Variants in BTBD10 observed in about 807,000 individuals in gnomAD.
BTBD10 encodes the protein BTB/POZ domain-containing protein 10.
Under a neutral mutation model 53.2 loss-of-function variants are expected in BTBD10, and 21 were observed. That is an observed-to-expected ratio of 0.39 (90% CI 0.28 to 0.57). The LOEUF is 0.57. Ranked by LOEUF, BTBD10 falls within the 20% of genes least tolerant of loss-of-function variation. The probability of loss-of-function intolerance (pLI) is 0.53; values close to 1 mark genes in which losing one functional copy is unlikely to be tolerated. For synonymous variants in BTBD10, 149 were observed against 192.7 expected (o/e 0.77, Z 1.88); for missense variants, 360 against 594.7 (o/e 0.61, Z 4.10).
intron 2 of BTBD10, among the ~76,000 whole-genome samples, chr11:13,441,170 G>C (rs964440797): frequency 1.3e-5 from 2 of 152,028 alleles, no homozygotes; most frequent in African/African-American, 4.8e-5. Flanking sequence ...ATATAGACCT[G>C]CTGAGAGATC....
chr11:13,415,362 C>T (rs1425607285), intron 5 of BTBD10, among the ~76,000 whole-genome samples: 1 of 152,094 alleles, frequency 6.6e-6, no homozygotes, highest in Non-Finnish European at 1.5e-5. Context: ...CTGCATCTGC[C>T]GCCTAAAACG....
intron 1 of BTBD10, among the ~76,000 whole-genome samples, chr11:13,458,384 C>T (rs1278659605): frequency 2.0e-5 from 3 of 152,036 alleles, no homozygotes; most frequent in South Asian, 2.1e-4. Context: ...AAAAAGGATA[C>T]AGTAAAAAAT....
At chr11:13,405,944 C>A (rs1949814983) in intron 6 of BTBD10, 88 bp from the exon 7 acceptor site, 2 of 1,299,316 alleles carry the variant, frequency 1.5e-6, no homozygotes, top group Non-Finnish European at 2.1e-6. Flanking sequence ...CAAGAAAGGC[C>A]AGGCAGCCTA....
chr11:13,408,195 C>T (rs925684499), intron 6 of BTBD10, among the ~76,000 whole-genome samples: 4 of 152,106 alleles, frequency 2.6e-5, no homozygotes, highest in Non-Finnish European at 5.9e-5. Flanking sequence ...ATAGTTAACC[C>T]GACATATTCC....
At chr11:13,458,899 T>C (rs554126627) in intron 1 of BTBD10, among the ~76,000 whole-genome samples, 1 of 152,132 alleles carries the variant, frequency 6.6e-6, no homozygotes, top group Non-Finnish European at 1.5e-5. Context: ...AAATAAATTG[T>C]CTGAATGAAG....
At chr11:13,407,280 A>T (rs1037751399) in intron 6 of BTBD10, among the ~76,000 whole-genome samples, 1 of 152,144 alleles carries the variant, frequency 6.6e-6, no homozygotes, top group Non-Finnish European at 1.5e-5. Flanking sequence ...CTATGCTGAG[A>T]ATTCCCAAAT....
intron 2 of BTBD10, among the ~76,000 whole-genome samples, chr11:13,443,611 T>C (rs4304757): frequency 0.47 from 70,957 of 151,546 alleles, 17,614 homozygotes; most frequent in South Asian, 0.62. Context: ...TTTTTTTTTT[T>C]TGAGACAGCG....
chr11:13,404,030 T>C (rs1292991794), intron 7 of BTBD10, among the ~76,000 whole-genome samples: 1 of 151,934 alleles, frequency 6.6e-6, no homozygotes, highest in Non-Finnish European at 1.5e-5. Flanking sequence ...AAAGGTTTTT[T>C]CAAAAAAAGA....
intron 5 of BTBD10, among the ~76,000 whole-genome samples, chr11:13,416,654 C>A (rs1950121039): frequency 6.6e-6 from 1 of 152,020 alleles, no homozygotes; most frequent in South Asian, 2.1e-4. Flanking sequence ...AATTCATTTG[C>A]TTATATTGTA....
At chr11:13,419,876 TA>T in intron 3 of BTBD10, 131 bp from the exon 4 acceptor site, 1 of 956,828 alleles carries the variant, frequency 1.0e-6, no homozygotes, top group Non-Finnish European at 1.5e-6. Flanking sequence ...CAATTTCAAA[TA>T]AGATGTTAAC....
chr11:13,394,548 T>C (rs1360174855), intron 8 of BTBD10, among the ~76,000 whole-genome samples: 1 of 152,202 alleles, frequency 6.6e-6, no homozygotes, highest in Non-Finnish European at 1.5e-5. Flanking sequence ...TCTTTTTATT[T>C]TTTTATTATT....
intron 1 of BTBD10, among the ~76,000 whole-genome samples, chr11:13,448,342 C>T (rs1950788062): frequency 6.6e-6 from 1 of 152,136 alleles, no homozygotes; most frequent in Non-Finnish European, 1.5e-5. Context: ...CTCTTCTCTA[C>T]TTGCTGGTTT....
intron 4 of BTBD10, among the ~76,000 whole-genome samples, 181 bp from the exon 5 acceptor site, chr11:13,417,441 T>C (rs995043200): frequency 8.5e-5 from 13 of 152,204 alleles, no homozygotes; most frequent in African/African-American, 3.1e-4. Flanking sequence ...TTCTTTTTGA[T>C]GGTAGGGAAC....
intron 7 of BTBD10, among the ~76,000 whole-genome samples, chr11:13,404,133 T>C (rs1949767559): frequency 6.6e-6 from 1 of 152,232 alleles, no homozygotes; most frequent in Admixed American, 6.5e-5. Flanking sequence ...TTTGTGATTA[T>C]TACTACATCC....
chr11:13,420,699 A>G (rs147850146), intron 3 of BTBD10, among the ~76,000 whole-genome samples: 40 of 152,288 alleles, frequency 2.6e-4, no homozygotes, highest in African/African-American at 9.1e-4. Context: ...GGTTTGACAT[A>G]TCTCCAGAGA....
intron 4 of BTBD10, 75 bp from the exon 5 acceptor site, chr11:13,417,335 A>T: frequency 9.4e-7 from 1 of 1,060,134 alleles, no homozygotes; most frequent in East Asian, 2.5e-5. Context: ...TCATGTACAA[A>T]AGAAAAAAGG....
chr11:13,435,860 A>T (rs934515764), intron 2 of BTBD10, among the ~76,000 whole-genome samples: 2 of 152,196 alleles, frequency 1.3e-5, no homozygotes, highest in African/African-American at 4.8e-5. Context: ...CTTTGAAAAC[A>T]CAACCTTTTT....
intron 4 of BTBD10, among the ~76,000 whole-genome samples, chr11:13,418,971 CTTTTTTTTTTT>C (rs11423580): frequency 8.0e-6 from 1 of 125,452 alleles, no homozygotes; most frequent in African/African-American, 3.0e-5. Context: ...GTTGACATTC[CTTTTTTTTTTT>C]TTTTTTTTTA....
intron 8 of BTBD10, among the ~76,000 whole-genome samples, chr11:13,398,183 C>G (rs1035515882): frequency 2.6e-5 from 4 of 152,136 alleles, no homozygotes; most frequent in African/African-American, 7.2e-5. Flanking sequence ...GTCTAAGTCT[C>G]TTTGTAGGTC....
Sources: allele counts gnomAD v4.1 joint callset (sites outside exome capture counted in the v4.1 genomes callset), GRCh38; gene constraint gnomAD v4.1.1; transcripts MANE v1.5; gene names NCBI Gene and HGNC (gene_info 2026-07-23, HGNC 2026-07-21).